NTM: variants seen among roughly 807,000 people sequenced by gnomAD.
The protein encoded by NTM is neurotrimin, also known as IgLON family member 2.
Under a neutral mutation model 42.1 loss-of-function variants are expected in NTM, and 13 were observed. That is an observed-to-expected ratio of 0.31 (90% confidence interval 0.20 to 0.49). NTM has a LOEUF of 0.49. Ranked by LOEUF, NTM falls within the 20% of genes least tolerant of loss-of-function variation. The pLI is 0.99. For missense variants in NTM, 373 were observed against 452.8 expected (o/e 0.82, Z 1.60); for synonymous variants, 187 against 179.2 (o/e 1.04, Z -0.35).
intron 2 of NTM, among the ~76,000 whole-genome samples, chr11:131,982,124 T>A (rs1000647903): frequency 6.6e-6 from 1 of 151,968 alleles, no homozygotes; most frequent in Non-Finnish European, 1.5e-5. Context: ...TGAAATTATC[T>A]CCTAGGTTGC....
chr11:131,651,849 G>A (rs1448411664), intron 1 of NTM, among the ~76,000 whole-genome samples: 4 of 27,374 alleles, frequency 1.5e-4, no homozygotes, highest in Non-Finnish European at 2.3e-4. Context: ...CCGCCCCCCC[G>A]ACCCAAAAAA....
At chr11:132,253,841 G>T (rs1295163602) in intron 4 of NTM, among the ~76,000 whole-genome samples, 1 of 152,156 alleles carries the variant, frequency 6.6e-6, no homozygotes, top group Non-Finnish European at 1.5e-5. Flanking sequence ...CCTCAGCTCG[G>T]CCCCTCTATG....
intron 1 of NTM, among the ~76,000 whole-genome samples, chr11:131,420,273 C>T (rs1947363101): frequency 6.6e-6 from 1 of 152,018 alleles, no homozygotes; most frequent in African/African-American, 2.4e-5. Flanking sequence ...AGCAGGAGAC[C>T]TGATGATGGG....
chr11:131,462,842 C>T (rs952301122), intron 1 of NTM, among the ~76,000 whole-genome samples: 4 of 151,768 alleles, frequency 2.6e-5, no homozygotes, highest in Admixed American at 6.6e-5. Context: ...ACCACCTTCT[C>T]ACTAGAGTAG....
intron 2 of NTM, among the ~76,000 whole-genome samples, chr11:131,989,014 C>T (rs1212559731): frequency 6.6e-6 from 1 of 152,112 alleles, no homozygotes; most frequent in African/African-American, 2.4e-5. Flanking sequence ...GGGTCCATAA[C>T]CTTCTGCACC....
chr11:132,015,573 C>T (rs903100954), intron 2 of NTM, among the ~76,000 whole-genome samples: 2 of 151,368 alleles, frequency 1.3e-5, no homozygotes, highest in Admixed American at 1.3e-4. Context: ...TTTTTTTTGT[C>T]AGTGTTTTGT....
chr11:131,514,195 T>C (rs2048606045), intron 1 of NTM, among the ~76,000 whole-genome samples: 1 of 152,130 alleles, frequency 6.6e-6, no homozygotes, highest in Non-Finnish European at 1.5e-5. Context: ...GAAAATGGGG[T>C]GCAAGTATCC....
chr11:131,922,702 T>C (rs2057400233), intron 2 of NTM, among the ~76,000 whole-genome samples: 1 of 152,232 alleles, frequency 6.6e-6, no homozygotes, highest in African/African-American at 2.4e-5. Context: ...TCTCCTTGTT[T>C]CTACTCCTGT....
chr11:131,839,967 C>T (rs1469419869), intron 1 of NTM, among the ~76,000 whole-genome samples: 1 of 152,158 alleles, frequency 6.6e-6, no homozygotes, highest in African/African-American at 2.4e-5. Flanking sequence ...TGACTACAAG[C>T]CTTCACACCT....
intron 2 of NTM, among the ~76,000 whole-genome samples, chr11:132,064,830 T>C (rs1816367702): frequency 6.6e-6 from 1 of 152,202 alleles, no homozygotes; most frequent in African/African-American, 2.4e-5. Flanking sequence ...CAGAACATCA[T>C]ACCTCATTAT....
intron 7 of NTM, among the ~76,000 whole-genome samples, chr11:132,316,006 C>A (rs2095419089): frequency 6.6e-6 from 1 of 151,816 alleles, no homozygotes; most frequent in Non-Finnish European, 1.5e-5. Flanking sequence ...ACAGACCCCT[C>A]CTTCCCTTGC....
intron 7 of NTM, among the ~76,000 whole-genome samples, chr11:132,324,899 G>A (rs1453186888): frequency 6.6e-6 from 1 of 151,152 alleles, no homozygotes; most frequent in East Asian, 1.9e-4. Flanking sequence ...TGACAAACCT[G>A]AGAAAAACAA....
rs2089099688 is a variant in NTM at position 132,236,979 on chromosome 11, G to A, written c.526+24832G>A. On this transcript the variant is annotated intron_variant, in intron 4 of 8. Coordinates refer to ENST00000683400, the MANE Select transcript of NTM (RefSeq NM_001352005.2). ...CAGATCCCCGGGCCCAGCTGTCAGA[G>A]TCTGGAAGTGCAGCAGCCCTAGAGA... 1.3e-5 allele frequency among the ~76,000 whole-genome samples: 2 copies of A among 151,844 alleles called. 1 individual carries two copies. Among genetic ancestry groups the A allele is most frequent in the Non-Finnish European group, 2.9e-5 (2 of 68,028 alleles).
chr11:132,223,975 G>A (rs1274720811), intron 4 of NTM, among the ~76,000 whole-genome samples: 1 of 152,166 alleles, frequency 6.6e-6, no homozygotes, highest in Non-Finnish European at 1.5e-5. Context: ...TGGGCTGTGA[G>A]CCAAGTGTCA....
chr11:131,720,579 G>A (rs1307637490), intron 1 of NTM, among the ~76,000 whole-genome samples: 2 of 152,170 alleles, frequency 1.3e-5, no homozygotes, highest in East Asian at 1.9e-4. Flanking sequence ...GCCTAGTAAT[G>A]GTGGCAATGT....
At chr11:131,478,551 G>T (rs1379168502) in intron 1 of NTM, among the ~76,000 whole-genome samples, 2 of 152,078 alleles carry the variant, frequency 1.3e-5, no homozygotes, top group African/African-American at 2.4e-5. Flanking sequence ...AATGCCTGAG[G>T]GTAGGAGTGT....
Position 131,461,816 on chromosome 11 carries a change from ATT to A in NTM, c.82+90932_82+90933del, listed in dbSNP as rs1951406708. Reference sequence around the variant, plus strand: ...ACATTGTACACTTTGAATATATATAATTTTTCTTTGTCAATTATACCTCAATA... The same window carrying A: ...ACATTGTACACTTTGAATATATATAATTTCTTTGTCAATTATACCTCAATA... On this transcript the variant is annotated intron_variant, in intron 1 of 8. Coordinates refer to ENST00000683400, the MANE Select transcript of NTM (RefSeq NM_001352005.2). 2.0e-5 allele frequency among the ~76,000 whole-genome samples: 3 copies of A among 152,154 alleles called. No individual in the cohort carries two copies. The South Asian group carries it at 6.2e-4, about 32-fold the overall frequency.
chr11:132,013,998 AT>A (rs1304185031), intron 2 of NTM, among the ~76,000 whole-genome samples: 1 of 151,630 alleles, frequency 6.6e-6, no homozygotes, highest in Non-Finnish European at 1.5e-5. Context: ...GTATGTCCTT[AT>A]TTTTTATTCC....
intron 1 of NTM, among the ~76,000 whole-genome samples, chr11:131,401,822 A>ATATATATATATATATATGTGTG (rs1945219770): frequency 3.5e-5 from 2 of 57,852 alleles, no homozygotes; most frequent in African/African-American, 1.4e-4. Flanking sequence ...ATATATATAT[A>ATATATATATATATATATGTGTG]TATATATATA....
Sources: gnomAD v4.1 joint callset for allele counts (sites outside exome capture counted in the v4.1 genomes callset) on GRCh38, gnomAD v4.1.1 for gene constraint, MANE v1.5 for transcripts, NCBI Gene and HGNC (gene_info 2026-07-23, HGNC 2026-07-21) for gene names.